Variants in LMBRD1 observed in about 807,000 individuals in gnomAD.
LMBRD1 encodes lysosomal cobalamin transport escort protein LMBD1.
Under a neutral mutation model 74.8 loss-of-function variants are expected in LMBRD1, and 64 were observed. That is an observed-to-expected ratio of 0.86 (90% confidence interval 0.70 to 1.05). The LOEUF (loss-of-function observed/expected upper bound fraction) is 1.05, where lower values mean the gene tolerates loss of function less well. LMBRD1 is among the 50% of genes least tolerant of loss of function. The pLI is 0.00. For missense variants in LMBRD1, 652 were observed against 645.9 expected, an observed-to-expected ratio of 1.01 and a Z score of -0.10; for synonymous variants, 204 against 216.3, an observed-to-expected ratio of 0.94 and a Z score of 0.50.
At chr6:69,715,776 C>T (rs1212263325) in intron 8 of LMBRD1, among the ~76,000 whole-genome samples, 2 of 152,148 alleles carry the variant, frequency 1.3e-5, no homozygotes, top group African/African-American at 4.8e-5. Context: ...CCTCCTTCCA[C>T]CCTCTGCCCT....
intron 5 of LMBRD1, chr6:69,746,472 C>A: frequency 6.3e-6 from 1 of 158,192 alleles, no homozygotes; most frequent in South Asian, 2.0e-4. Flanking sequence ...AACATCATCC[C>A]TGCCTCTGTG....
At chr6:69,768,265 C>G (rs1311654197) in intron 3 of LMBRD1, among the ~76,000 whole-genome samples, 1 of 151,802 alleles carries the variant, frequency 6.6e-6, no homozygotes, top group African/African-American at 2.4e-5. Context: ...TTCTCCTTTA[C>G]TACCTTATTT....
chr6:69,774,568 G>A (rs746491598), intron 3 of LMBRD1, among the ~76,000 whole-genome samples: 2 of 152,064 alleles, frequency 1.3e-5, no homozygotes, highest in Non-Finnish European at 2.9e-5. Flanking sequence ...GCATGCAGGG[G>A]TTGTAGAAAT....
chr6:69,753,768 G>A (rs112965460), intron 3 of LMBRD1, among the ~76,000 whole-genome samples: 12 of 152,048 alleles, frequency 7.9e-5, no homozygotes, highest in East Asian at 3.9e-4. Flanking sequence ...GTGAAACCCC[G>A]TCTCTACTAA....
chr6:69,790,866 C>T (rs1301414365), intron 1 of LMBRD1, among the ~76,000 whole-genome samples: 1 of 152,142 alleles, frequency 6.6e-6, no homozygotes, highest in Non-Finnish European at 1.5e-5. Flanking sequence ...TGAAGCATTA[C>T]AAAATATAAC....
chr6:69,747,629 C>T (rs1007810935), intron 5 of LMBRD1, among the ~76,000 whole-genome samples: 2 of 152,200 alleles, frequency 1.3e-5, no homozygotes, highest in Non-Finnish European at 2.9e-5. Context: ...TGGTATGTAT[C>T]TCCTATCAGA....
At chr6:69,698,744 G>A (rs113329800) in intron 13 of LMBRD1, among the ~76,000 whole-genome samples, 2 of 151,874 alleles carry the variant, frequency 1.3e-5, no homozygotes, top group African/African-American at 2.4e-5. Context: ...TCGTTAAAAC[G>A]TTATTTTAGA....
intron 6 of LMBRD1, 149 bp downstream of exon 6, chr6:69,741,640 C>T (rs1562107794): frequency 2.7e-5 from 15 of 547,706 alleles, no homozygotes; most frequent in Non-Finnish European, 3.9e-5. Flanking sequence ...CCCCACCCCT[C>T]GGCCTCCCAA....
chr6:69,752,417 CTATCTA>C lies in LMBRD1; in HGVS notation c.308-67_308-62del, dbSNP rs1466988978. 88 of 1,312,328 alleles carry C rather than the reference CTATCTA, an allele frequency of 6.7e-5. No homozygotes were observed. In the East Asian group the frequency reaches 1.9e-3, roughly 28 times the overall value. The allele number at this position is 1,312,328 out of a possible 1,614,324, so 81.3% of individuals were successfully genotyped here. On this transcript the variant is annotated intron_variant, in intron 3 of 15. Transcript: ENST00000649934. The stretch of plus-strand genomic sequence containing the variant: ...TACATATGTACTTAATCATGGTTAT[CTATCTA>C]TATGTATATATATTCACTTAACAAA...
intron 8 of LMBRD1, among the ~76,000 whole-genome samples, chr6:69,715,117 A>G (rs570096551): frequency 6.6e-6 from 1 of 152,266 alleles, no homozygotes; most frequent in Non-Finnish European, 1.5e-5. Context: ...TGAAGATCAG[A>G]GTAATAAAAT....
intron 2 of LMBRD1, among the ~76,000 whole-genome samples, chr6:69,784,893 C>T (rs1446306221): frequency 2.0e-5 from 3 of 152,140 alleles, no homozygotes; most frequent in African/African-American, 7.2e-5. Context: ...CTATTAAACA[C>T]AAAGAGATAC....
At chr6:69,750,403 T>C (rs1582122446) in intron 4 of LMBRD1, among the ~76,000 whole-genome samples, 1 of 152,070 alleles carries the variant, frequency 6.6e-6, no homozygotes, top group East Asian at 1.9e-4. Flanking sequence ...GCTTGGTGCT[T>C]ATAATATACT....
At chr6:69,735,999 C>G (rs1042482514) in intron 7 of LMBRD1, among the ~76,000 whole-genome samples, 4 of 151,316 alleles carry the variant, frequency 2.6e-5, no homozygotes, top group Non-Finnish European at 5.9e-5. Context: ...TCATGGCTTA[C>G]TTTCACTTCA....
chr6:69,717,440 C>T (rs1766516261), intron 8 of LMBRD1, among the ~76,000 whole-genome samples: 1 of 152,082 alleles, frequency 6.6e-6, no homozygotes, highest in African/African-American at 2.4e-5. Context: ...AAGTATTATG[C>T]TCATTAGAGG....
In LMBRD1 at chr6:69,690,640, T is replaced by C. The variant is rs2149839062; in HGVS notation, c.1417+6923A>G. On this transcript the variant is annotated intron_variant, in intron 14 of 15. Transcript: ENST00000649934. Reference sequence around the variant, plus strand: ...ATCCATTTATACTTTTTTAGTTATGTAATACAATTAAAGGATTAATGCTTG... The same window carrying C: ...ATCCATTTATACTTTTTTAGTTATGCAATACAATTAAAGGATTAATGCTTG... Among the ~76,000 whole-genome samples, 2 of 152,318 alleles carry C rather than the reference T, an allele frequency of 1.3e-5. 1 individual carries two copies. Among genetic ancestry groups the C allele is most frequent in the South Asian group, 4.1e-4 (2 of 4,834 alleles).
intron 5 of LMBRD1, among the ~76,000 whole-genome samples, chr6:69,742,873 T>C (rs1767134140): frequency 6.6e-6 from 1 of 152,164 alleles, no homozygotes; most frequent in African/African-American, 2.4e-5. Context: ...GGGCACAGCA[T>C]GTCAGGGGGT....
chr6:69,735,070 T>C (rs1469545380), intron 7 of LMBRD1, among the ~76,000 whole-genome samples: 2 of 152,254 alleles, frequency 1.3e-5, no homozygotes, highest in African/African-American at 2.4e-5. Context: ...CACTTGTATG[T>C]AGTATACTTC....
chr6:69,794,297 G>A (rs1766162334), intron 1 of LMBRD1, among the ~76,000 whole-genome samples: 1 of 147,612 alleles, frequency 6.8e-6, no homozygotes, highest in Non-Finnish European at 1.5e-5. Flanking sequence ...TTCAAAAAGG[G>A]ACAATTTAAA....
chr6:69,702,544 T>G (rs138094339), intron 9 of LMBRD1, among the ~76,000 whole-genome samples: 1 of 152,012 alleles, frequency 6.6e-6, no homozygotes, highest in African/African-American at 2.4e-5. Context: ...CTGTAAGTAG[T>G]GGAACATATT....
Sources: gnomAD v4.1 joint callset for allele counts (sites outside exome capture counted in the v4.1 genomes callset) on GRCh38, gnomAD v4.1.1 for gene constraint, MANE v1.5 for transcripts, NCBI Gene and HGNC (gene_info 2026-07-23, HGNC 2026-07-21) for gene names.